Variants in SHKBP1 observed in about 807,000 individuals in gnomAD.
The protein encoded by SHKBP1 is SH3KBP1-binding protein 1.
Under a neutral mutation model 83.9 loss-of-function variants are expected in SHKBP1, and 71 were observed. The ratio of observed to expected loss-of-function variants is 0.85; its 90% CI spans 0.70 to 1.03. The LOEUF (loss-of-function observed/expected upper bound fraction) is 1.03, where lower values mean the gene tolerates loss of function less well. Among genes scored for constraint, SHKBP1 ranks in the 50% least tolerant of loss-of-function variants. SHKBP1 has a pLI of 0.00. For synonymous variants in SHKBP1, 371 were observed against 398.0 expected, an observed-to-expected ratio of 0.93 and a Z score of 0.81; for missense variants, 824 against 982.4, an observed-to-expected ratio of 0.84 and a Z score of 2.16.
intron 14 of SHKBP1, 56 bp downstream of exon 14, chr19:40,588,835 T>C: frequency 6.3e-7 from 1 of 1,588,374 alleles, no homozygotes; most frequent in Non-Finnish European, 8.5e-7. Flanking sequence ...TGACCCCTGT[T>C]GACCTCCGCT....
In SHKBP1 at chr19:40,589,065, G is replaced by T. The variant is rs1369650984; in HGVS notation, c.1493-17G>T. On this transcript the variant is annotated splice_polypyrimidine_tract_variant and intron_variant, in intron 14 of 17. Transcript: ENST00000291842. ...GGAATCCCAGCTGGCCCTGACCCCT[G>T]CCCCTGCCTGGCCCAGGCCCCTACG... 2.5e-6 allele frequency: 4 copies of T among 1,609,224 alleles called. No individual in the cohort carries two copies. Among genetic ancestry groups the T allele is most frequent in the Non-Finnish European group, 3.4e-6 (4 of 1,179,442 alleles).
At position 40,590,703 on chromosome 19, in the gene SHKBP1, C is replaced by T; in HGVS notation, c.1769-27C>T. 2 of 1,558,786 alleles carry T rather than the reference C, an allele frequency of 1.3e-6. No homozygotes were observed. Among genetic ancestry groups the T allele is most frequent in the Non-Finnish European group, 1.7e-6 (2 of 1,147,692 alleles). Reference sequence around the variant, plus strand: ...CTTGCCCTATGACCCCTGTCTTGCCCCCTGACCCTGCTTCCGTGCCCCCCA... The same window carrying T: ...CTTGCCCTATGACCCCTGTCTTGCCTCCTGACCCTGCTTCCGTGCCCCCCA... On this transcript the variant is annotated intron_variant, in intron 16 of 17. Coordinates refer to ENST00000291842, the MANE Select transcript of SHKBP1 (RefSeq NM_138392.4). This position sits in a 1 kb window ranked among gnomAD's most constrained non-coding sequence, Gnocchi z 4.6.
In SHKBP1 at chr19:40,578,520, C is replaced by T. The variant is rs1376515092; in HGVS notation, c.378C>T (p.Phe126=). The T allele has an allele frequency of 6.2e-7, 1 of 1,614,052 alleles. No individual in the cohort carries two copies. Among genetic ancestry groups the T allele is most frequent in the Admixed American group, 1.7e-5 (1 of 59,996 alleles). ...GATCTTCTTGTGGAAACGTCCTCTT[C>T]AATGGTTACCTGCCGCCACCAGGTA... The part of the protein sequence containing the change: ...LDRSSCGNVL[F]NGYLPPPVFP... Residue 126 remains phenylalanine, a synonymous_variant, in exon 6 of 18, where the codon TTC becomes TTT. Coordinates refer to ENST00000291842, the MANE Select transcript of SHKBP1 (RefSeq NM_138392.4).
At chr19:40,588,836 G>C (rs2081332936) in intron 14 of SHKBP1, 57 bp downstream of exon 14, 3 of 1,587,848 alleles carry the variant, frequency 1.9e-6, no homozygotes, top group South Asian at 1.1e-5. Flanking sequence ...GACCCCTGTT[G>C]ACCTCCGCTG....
rs373215939 is a variant in SHKBP1, at chr19:40,578,524, G to T, written c.382G>T (p.Gly128Cys). The change falls in exon 6 of 18, where the codon GGT (glycine) becomes TGT (cysteine). Residue 128 changes from glycine (G) to cysteine (C), a missense_variant. Gly to Cys is a radical substitution (Grantham distance 159, BLOSUM62 -3). This residue lies in a region of SHKBP1 where 355 missense variants were observed against 386.4 expected (regional missense o/e 0.92). Coordinates refer to ENST00000291842, the MANE Select transcript of SHKBP1 (RefSeq NM_138392.4). ...TTCTTGTGGAAACGTCCTCTTCAAT[G>T]GTTACCTGCCGCCACCAGGTAGGCA... Reference protein sequence around the residue: ...RSSCGNVLFNGYLPPPVFPVK... With the variant: ...RSSCGNVLFNCYLPPPVFPVK... 1.7e-5 allele frequency: 28 copies of T among 1,613,892 alleles called. No homozygotes were observed. Among genetic ancestry groups the T allele is most frequent in the Non-Finnish European group, 2.4e-5 (28 of 1,180,026 alleles).
rs1272754837 is a variant in SHKBP1 at position 40,576,916 on chromosome 19, C to T, written c.17C>T (p.Thr6Ile). 6.8e-6 allele frequency: 10 copies of T among 1,478,858 alleles called. No homozygotes were observed. The highest frequency in any genetic ancestry group is 8.9e-6 in the Non-Finnish European group (10 of 1,119,770). The allele number at this position is 1,478,858 out of a possible 1,614,324, so 91.6% of individuals were successfully genotyped here. The change falls in exon 1 of 18, where the codon ACT becomes ATT. Residue 6 changes from threonine to isoleucine, a missense_variant. Around this residue, in one of 3 missense-constraint regions of SHKBP1, gnomAD observed 355 missense variants for 386.4 expected, o/e 0.92. Transcript: ENST00000291842. ...CCGGGGGCCATGGCAGCAGCGGCTA[C>T]TGCAGCCGAGGGGGTCCCCAGTCGG... MAAAA[T>I]AAEGVPSRGP...
chr19:40,579,693 C>T (rs114789115), intron 6 of SHKBP1, among the ~76,000 whole-genome samples: 2,277 of 152,096 alleles, frequency 0.015, 74 homozygotes, highest in African/African-American at 0.053. Context: ...ACAACTCTGG[C>T]TAGATGCTAT....
At chr19:40,584,171 A>G (rs1363949979) in intron 12 of SHKBP1, among the ~76,000 whole-genome samples, 3 of 152,094 alleles carry the variant, frequency 2.0e-5, no homozygotes, top group Non-Finnish European at 4.4e-5. Context: ...CATTCAACAA[A>G]TATTTACTGA....
intron 10 of SHKBP1, among the ~76,000 whole-genome samples, chr19:40,582,784 C>T (rs777884492): frequency 7.9e-5 from 12 of 152,056 alleles, no homozygotes; most frequent in Non-Finnish European, 1.6e-4. Flanking sequence ...GGCTCGGTGG[C>T]TCACACTTGT....
chr19:40,590,587 CCT>C lies in SHKBP1; in HGVS notation c.1769-142_1769-141del, dbSNP rs947848725. The C allele has an allele frequency of 1.0e-5, 13 of 1,300,296 alleles. No individual in the cohort carries two copies. Among genetic ancestry groups the C allele is most frequent in the African/African-American group, 1.5e-5 (1 of 67,656 alleles). 80.5% of individuals were successfully genotyped at this position (1,300,296 alleles called of 1,614,324 possible). On this transcript the variant is annotated intron_variant, in intron 16 of 17. Coordinates refer to ENST00000291842, the MANE Select transcript of SHKBP1 (RefSeq NM_138392.4). This position sits in a 1 kb window ranked among gnomAD's most constrained non-coding sequence, Gnocchi z 4.6. ...CCCTTCCTGCCCTTGTTTTTCAACC[CCT>C]GTCTCAGCCTCTGGCCCCCATGCAT... is the stretch of plus-strand genomic sequence containing the variant.
At position 40,591,135 on chromosome 19, in the gene SHKBP1, C is replaced by G; in HGVS notation, c.2052C>G (p.Ala684=). 1.2e-6 allele frequency: 2 copies of G among 1,607,508 alleles called. No individual in the cohort carries two copies. The highest frequency in any genetic ancestry group is 2.2e-5 in the South Asian group (2 of 90,846). ...GPDLRRPPTP[A]PWPSSGLGTP... ...ACCTCCGACGGCCACCCACACCAGC[C>G]CCGTGGCCCTCCAGCGGTCTCGGCA... is the stretch of plus-strand genomic sequence containing the variant. The change falls in exon 18 of 18, where the codon GCC becomes GCG. Residue 684 remains alanine (A), a synonymous_variant. Transcript: ENST00000291842.
intron 12 of SHKBP1, among the ~76,000 whole-genome samples, chr19:40,584,157 C>T (rs527834518): frequency 1.3e-5 from 2 of 152,250 alleles, no homozygotes; most frequent in African/African-American, 2.4e-5. Context: ...AACTCTCATC[C>T]AGTCATTCAA....
intron 12 of SHKBP1, among the ~76,000 whole-genome samples, chr19:40,584,058 C>A (rs543705527): frequency 2.1e-4 from 32 of 152,218 alleles, no homozygotes; most frequent in African/African-American, 3.4e-4. Flanking sequence ...CCAGGCTGGT[C>A]TTGAACTCCT....
chr19:40,577,438 A>C lies in SHKBP1; in HGVS notation c.183A>C (p.Gly61=). Residue 61 remains glycine, a synonymous_variant, in exon 3 of 18, where the codon GGA becomes GGC. Coordinates refer to ENST00000291842, the MANE Select transcript of SHKBP1 (RefSeq NM_138392.4). ...TCTCGACGCTGAAAGATGAGACCGG[A>C]GCAGTGAGTCGGACAAGAACTGAAA... The part of the protein sequence containing the change: ...GRISTLKDET[G]AIFIDRDPTV... 6.2e-7 allele frequency: 1 copy of C among 1,612,348 alleles called. No individual in the cohort carries two copies. Among genetic ancestry groups the C allele is most frequent in the Non-Finnish European group, 8.5e-7 (1 of 1,179,422 alleles).
chr19:40,578,680 C>T (rs1684768523), intron 6 of SHKBP1, 138 bp downstream of exon 6: 2 of 751,472 alleles, frequency 2.7e-6, no homozygotes, highest in South Asian at 1.6e-5. Context: ...GATGCTTGGG[C>T]TGATGCTTGG....
At position 40,590,933 on chromosome 19, in the gene SHKBP1, G is replaced by A; in HGVS notation, c.1893-43G>A. On this transcript the variant is annotated intron_variant, in intron 17 of 17. Transcript: ENST00000291842. This position sits in a 1 kb window ranked among gnomAD's most constrained non-coding sequence, Gnocchi z 4.6. Reference sequence around the variant, plus strand: ...GTGTTCCCGGGGACAGAGTGGCCCAGCTGCCCCGTGATGACGTGCACTTAC... The same window carrying A: ...GTGTTCCCGGGGACAGAGTGGCCCAACTGCCCCGTGATGACGTGCACTTAC... 6.4e-7 allele frequency: 1 copy of A among 1,574,372 alleles called. No individual in the cohort carries two copies. The highest frequency in any genetic ancestry group is 8.7e-7 in the Non-Finnish European group (1 of 1,152,028).
chr19:40,581,583 C>G (rs1224223809), intron 9 of SHKBP1, among the ~76,000 whole-genome samples: 1 of 150,926 alleles, frequency 6.6e-6, no homozygotes, highest in Non-Finnish European at 1.5e-5. Flanking sequence ...CAGTAACTCA[C>G]ATCTGTAGTT....
chr19:40,577,673 T>A (rs1239059726), intron 4 of SHKBP1, 43 bp downstream of exon 4: 6 of 1,599,384 alleles, frequency 3.8e-6, no homozygotes, highest in Middle Eastern at 1.7e-4. Context: ...CTGTCTTCAG[T>A]CCCTGAGGAG....
At chr19:40,585,175 G>C (rs366973) in intron 12 of SHKBP1, among the ~76,000 whole-genome samples, 5,585 of 152,106 alleles carry the variant, frequency 0.037, 345 homozygotes, top group African/African-American at 0.13. Flanking sequence ...GGCATGATGT[G>C]AGTTCTCTGC....
Sources: allele counts gnomAD v4.1 joint callset (sites outside exome capture counted in the v4.1 genomes callset), GRCh38; gene constraint gnomAD v4.1.1; regional missense constraint gnomAD v4.1.1; non-coding constraint Gnocchi (gnomAD v3.1); transcripts MANE v1.5; gene names NCBI Gene and HGNC (gene_info 2026-07-23, HGNC 2026-07-21).